The following PLCE1 variants were observed in gnomAD, a reference collection of about 807,000 sequenced individuals.
PLCE1 encodes the protein phospholipase C epsilon 1.
PLCE1 carries 119 observed loss-of-function variants against 242.8 expected under a neutral mutation model. The ratio of observed to expected loss-of-function variants is 0.49; its 90% confidence interval spans 0.42 to 0.57. The LOEUF (loss-of-function observed/expected upper bound fraction) is 0.57. Among genes scored for constraint, PLCE1 ranks in the 20% least tolerant of loss-of-function variants. The pLI, the probability that PLCE1 is intolerant of heterozygous loss-of-function variation, is 0.00. For synonymous variants in PLCE1, 945 were observed against 1,017.4 expected (o/e 0.93, Z 1.35); for missense variants, 2,441 against 2,788.8 (o/e 0.88, Z 2.81).
intron 2 of PLCE1, among the ~76,000 whole-genome samples, chr10:94,123,392 A>T (rs1339461237): frequency 4.6e-5 from 7 of 152,188 alleles, no homozygotes; most frequent in African/African-American, 2.4e-5. Context: ...GCCTGGTTTT[A>T]GCAAAGTCTT....
intron 2 of PLCE1, among the ~76,000 whole-genome samples, chr10:94,059,844 G>T (rs557768070): frequency 1.7e-4 from 26 of 152,296 alleles, no homozygotes; most frequent in Non-Finnish European, 3.4e-4. Context: ...TGAATGTAGT[G>T]AGTGGTTGCT....
At chr10:94,096,686 G>A (rs1369975375) in intron 2 of PLCE1, 1 of 152,152 alleles carries the variant, frequency 6.6e-6, no homozygotes, top group Non-Finnish European at 1.5e-5. Flanking sequence ...CTACCTGATT[G>A]TCTCAACTGA....
chr10:94,324,219 A>C (rs2053927567), intron 30 of PLCE1, 130 bp from the exon 31 acceptor site: 8 of 787,958 alleles, frequency 1.0e-5, no homozygotes, highest in Non-Finnish European at 1.8e-5. Flanking sequence ...AATGAGTTGG[A>C]TGAAATGATC....
intron 7 of PLCE1, among the ~76,000 whole-genome samples, chr10:94,245,668 G>C (rs2050654077): frequency 6.6e-6 from 1 of 152,160 alleles, no homozygotes; most frequent in African/African-American, 2.4e-5. Context: ...TGTATTTTTA[G>C]TAGAGAGGGG....
At chr10:94,092,188 A>G (rs544419097) in intron 2 of PLCE1, among the ~76,000 whole-genome samples, 3 of 152,294 alleles carry the variant, frequency 2.0e-5, no homozygotes, top group Admixed American at 6.5e-5. Flanking sequence ...AATTTTTTTT[A>G]AAAAAGGTTA....
chr10:94,269,644 T>C (rs779157676), intron 17 of PLCE1, among the ~76,000 whole-genome samples: 7 of 152,254 alleles, frequency 4.6e-5, no homozygotes, highest in Non-Finnish European at 1.0e-4. Flanking sequence ...CGTAATATGA[T>C]ATATAAAGGC....
rs761394585 is a variant in PLCE1, at chr10:94,254,979, G to T, written c.3484G>T (p.Ala1162Ser). The stretch of plus-strand genomic sequence containing the variant: ...CACAGCTGGGTCCCCCAACTTGGCT[G>T]CCGGGACGTCATCTCCCATCAGGCC... ...LTTAGSPNLA[A>S]GTSSPIRPVS... Residue 1162 changes from alanine (A) to serine (S), a missense_variant, in exon 11 of 33, where the codon GCC becomes TCC. Ala to Ser is a moderately conservative substitution (Grantham distance 99, BLOSUM62 1). Around this residue, in one of 5 missense-constraint regions of PLCE1, gnomAD observed 1,004 missense variants for 1,322.7 expected, o/e 0.76. Transcript: ENST00000371380. 4.3e-6 allele frequency: 7 copies of T among 1,614,116 alleles called. No individual in the cohort carries two copies. The South Asian group carries it at 7.7e-5, about 18-fold the overall frequency.
chr10:94,172,630 C>T (rs530860308), intron 4 of PLCE1, among the ~76,000 whole-genome samples: 6 of 152,052 alleles, frequency 3.9e-5, no homozygotes, highest in Non-Finnish European at 8.8e-5. Flanking sequence ...AGTTCAAGAC[C>T]AGACTGGGCA....
intron 1 of PLCE1, among the ~76,000 whole-genome samples, chr10:94,001,196 A>G (rs1206969033): frequency 6.6e-6 from 1 of 152,182 alleles, no homozygotes; most frequent in Non-Finnish European, 1.5e-5. Context: ...CCTAATCTTG[A>G]CAGGGCTGTT....
chr10:94,266,300 A>T (rs1208803361), intron 16 of PLCE1, among the ~76,000 whole-genome samples: 1 of 152,176 alleles, frequency 6.6e-6, no homozygotes, highest in East Asian at 1.9e-4. Flanking sequence ...TCGTCTCTCT[A>T]ACTGCTAAAT....
In PLCE1 at chr10:94,321,921, T is replaced by C; in HGVS notation, c.6363T>C (p.Ile2121=). Reference sequence around the variant, plus strand: ...CATAGAACCTAGAAGAGAAAAACATTGTTCAAGATGACAAAGAGGTGATCT... The same window carrying C: ...CATAGAACCTAGAAGAGAAAAACATCGTTCAAGATGACAAAGAGGTGATCT... The part of the protein sequence containing the change: ...TQQENLEEKN[I]VQDDKEVILS... Residue 2121 remains isoleucine (I), a synonymous_variant, in exon 30 of 33, where the codon ATT becomes ATC. Coordinates refer to ENST00000371380, the MANE Select transcript of PLCE1 (RefSeq NM_016341.4). 1 of 1,613,640 alleles carries C rather than the reference T, an allele frequency of 6.2e-7. No homozygotes were observed. Among genetic ancestry groups the C allele is most frequent in the Non-Finnish European group, 8.5e-7 (1 of 1,179,538 alleles).
intron 9 of PLCE1, among the ~76,000 whole-genome samples, chr10:94,253,713 C>T (rs750867861): frequency 6.6e-6 from 1 of 152,078 alleles, no homozygotes; most frequent in Non-Finnish European, 1.5e-5. Flanking sequence ...CACTCATCAC[C>T]AAGGGAATGA....
intron 1 of PLCE1, among the ~76,000 whole-genome samples, chr10:94,027,403 A>G (rs941930755): frequency 6.6e-6 from 1 of 152,202 alleles, no homozygotes; most frequent in Admixed American, 6.5e-5. Context: ...CTAGTGCTCT[A>G]TAAAGTCTGC....
In PLCE1 at chr10:94,087,340, AC is replaced by A. The variant is rs1246623757; in HGVS notation, c.1207-44831del. 3.3e-5 allele frequency among the ~76,000 whole-genome samples: 4 copies of A among 121,770 alleles called. No individual in the cohort carries two copies. In the East Asian group the frequency reaches 1.0e-3, roughly 31 times the overall value. 79.9% of individuals were successfully genotyped at this position (121,770 alleles called of 152,430 possible). Reference sequence around the variant, plus strand: ...ACTCCAGCTTGGATGACAGAGCGAGACCCTGTCTCAAAAAAAAAAAAAAAAA... The same window carrying A: ...ACTCCAGCTTGGATGACAGAGCGAGACCTGTCTCAAAAAAAAAAAAAAAAA... On this transcript the variant is annotated intron_variant, in intron 2 of 32. Transcript: ENST00000371380.
chr10:94,235,988 A>C lies in PLCE1; in HGVS notation c.2288A>C (p.Lys763Thr). ...CAAAATGGCTTAAAGAATTCGGAGA[A>C]GGAGTCCACTGTCAACAGCATCTTT... Reference protein sequence around the residue: ...VGQNGLKNSEKESTVNSIFQV... With the variant: ...VGQNGLKNSETESTVNSIFQV... The change falls in exon 7 of 33, where the codon AAG becomes ACG. Residue 763 changes from lysine (K) to threonine (T), a missense_variant. Transcript: ENST00000371380. 6.2e-7 allele frequency: 1 copy of C among 1,614,072 alleles called. No individual in the cohort carries two copies. Among genetic ancestry groups the C allele is most frequent in the Non-Finnish European group, 8.5e-7 (1 of 1,179,920 alleles).
At chr10:94,077,123 G>A (rs1395248119) in intron 2 of PLCE1, among the ~76,000 whole-genome samples, 1 of 152,124 alleles carries the variant, frequency 6.6e-6, no homozygotes, top group African/African-American at 2.4e-5. Context: ...TCTTTGCTTT[G>A]TGCACTTATG....
At chr10:94,157,901 T>G (rs2136181918) in intron 3 of PLCE1, among the ~76,000 whole-genome samples, 1 of 152,276 alleles carries the variant, frequency 6.6e-6, no homozygotes, top group Admixed American at 6.5e-5. Flanking sequence ...CTCAGTGTGA[T>G]GTTCAGCAAG....
intron 27 of PLCE1, among the ~76,000 whole-genome samples, chr10:94,310,864 A>G (rs1339255909): frequency 6.6e-6 from 1 of 152,186 alleles, no homozygotes; most frequent in Non-Finnish European, 1.5e-5. Context: ...TTGAGGGCTC[A>G]GTCCCACAAG....
chr10:94,099,260 G>A (rs2045429948), intron 2 of PLCE1, among the ~76,000 whole-genome samples: 1 of 152,170 alleles, frequency 6.6e-6, no homozygotes, highest in Admixed American at 6.5e-5. Context: ...CAGGCATCAT[G>A]GGCCCTGGAG....
Sources: allele counts gnomAD v4.1 joint callset (sites outside exome capture counted in the v4.1 genomes callset), GRCh38; gene constraint gnomAD v4.1.1; regional missense constraint gnomAD v4.1.1; transcripts MANE v1.5; gene names NCBI Gene and HGNC (gene_info 2026-07-23, HGNC 2026-07-21).